LIN28B: variants seen among roughly 807,000 people sequenced by gnomAD.
LIN28B encodes lin-28 RNA binding posttranscriptional regulator B, also known as protein lin-28 homolog B.
LIN28B carries 5 observed loss-of-function variants against 21.9 expected under a neutral mutation model. The observed-to-expected ratio is 0.23, with a 90% CI of 0.12 to 0.48. LIN28B has a LOEUF of 0.48. Ranked by LOEUF, LIN28B falls within the 20% of genes least tolerant of loss-of-function variation. The pLI is 0.98. For synonymous variants in LIN28B, 109 were observed against 111.3 expected (o/e 0.98, Z 0.13); for missense variants, 245 against 310.5 (o/e 0.79, Z 1.58).
At chr6:104,993,163 T>C (rs1770529482) in intron 2 of LIN28B, among the ~76,000 whole-genome samples, 1 of 152,188 alleles carries the variant, frequency 6.6e-6, no homozygotes, top group African/African-American at 2.4e-5. Flanking sequence ...TTTATATTAA[T>C]ATTATTAAGA....
At chr6:104,964,078 G>T (rs996204876) in intron 2 of LIN28B, among the ~76,000 whole-genome samples, 1 of 152,140 alleles carries the variant, frequency 6.6e-6, no homozygotes, top group African/African-American at 2.4e-5. Flanking sequence ...TTTGGATTTG[G>T]TTTAATTCTT....
chr6:104,951,839 G>GATTGGTAAATAGGACCAGA (rs779183153), intron 3 of LIN28B, among the ~76,000 whole-genome samples: 2 of 152,214 alleles, frequency 1.3e-5, no homozygotes, highest in South Asian at 4.1e-4. Context: ...CAAGGCCACA[G>GATTGGTAAATAGGACCAGA]ATTGGTAAAT....
chr6:104,995,027 G>T (rs1296861580), intron 2 of LIN28B, among the ~76,000 whole-genome samples: 7 of 152,176 alleles, frequency 4.6e-5, no homozygotes, highest in Admixed American at 2.0e-4. Flanking sequence ...ACTCACTGGA[G>T]CATTTTGGAT....
At chr6:104,962,423 T>C (rs185903213) in intron 2 of LIN28B, among the ~76,000 whole-genome samples, 8 of 152,170 alleles carry the variant, frequency 5.3e-5, no homozygotes, top group African/African-American at 1.9e-4. Flanking sequence ...GATTTTGATC[T>C]TTATGGATAA....
At chr6:104,961,557 C>T (rs918304652) in intron 2 of LIN28B, among the ~76,000 whole-genome samples, 7 of 151,926 alleles carry the variant, frequency 4.6e-5, no homozygotes, top group South Asian at 2.1e-4. Flanking sequence ...CCCGCCACCA[C>T]GCCTAGCTAA....
chr6:104,941,601 C>T (rs1323960674), intron 2 of LIN28B, among the ~76,000 whole-genome samples: 5 of 151,694 alleles, frequency 3.3e-5, no homozygotes, highest in African/African-American at 9.7e-5. Flanking sequence ...GCGCACCTCC[C>T]TTTCGCGCTC....
intron 2 of LIN28B, among the ~76,000 whole-genome samples, chr6:105,016,304 TAAG>T (rs1212016287): frequency 6.6e-6 from 1 of 152,208 alleles, no homozygotes; most frequent in Non-Finnish European, 1.5e-5. Context: ...TTGTGTCAGC[TAAG>T]AAGTTTTATA....
chr6:105,081,027 C>CT lies in LIN28B; in HGVS notation c.*2245dup, dbSNP rs1772533381. 6.6e-6 allele frequency: 1 copy of CT among 152,574 alleles called. No homozygotes were observed. Among genetic ancestry groups the CT allele is most frequent in the Admixed American group, 6.5e-5 (1 of 15,270 alleles). The allele number at this position is 152,574 out of a possible 1,614,324, so 9.5% of individuals were successfully genotyped here. On this transcript the variant is annotated 3_prime_UTR_variant, in exon 4 of 4. Transcript: ENST00000345080. ...CTTTTCATCATCTTACCAGACTAAA[C>CT]TAAGAGCACATACCAAACCTATCTT...
At chr6:105,058,884 A>C (rs929702542) in intron 3 of LIN28B, among the ~76,000 whole-genome samples, 2 of 151,950 alleles carry the variant, frequency 1.3e-5, no homozygotes, top group Non-Finnish European at 2.9e-5. Flanking sequence ...GTTCACGTCC[A>C]TTGTCTGTTT....
chr6:104,969,414 C>G (rs1473409173), intron 2 of LIN28B, among the ~76,000 whole-genome samples: 1 of 152,038 alleles, frequency 6.6e-6, no homozygotes, highest in African/African-American at 2.4e-5. Context: ...ACTTGTAAAG[C>G]CTGCTTTCTG....
chr6:104,970,673 C>T (rs1349155448), intron 2 of LIN28B, among the ~76,000 whole-genome samples: 1 of 152,070 alleles, frequency 6.6e-6, no homozygotes, highest in Non-Finnish European at 1.5e-5. Flanking sequence ...TAAACTGTAA[C>T]TTGTTTCTCA....
chr6:105,003,939 T>C (rs1423625408), intron 2 of LIN28B, among the ~76,000 whole-genome samples: 1 of 152,172 alleles, frequency 6.6e-6, no homozygotes. Flanking sequence ...AATATATAGA[T>C]ATATAAAGGG....
At chr6:105,059,899 G>A (rs1273073876) in intron 3 of LIN28B, among the ~76,000 whole-genome samples, 1 of 148,268 alleles carries the variant, frequency 6.7e-6, no homozygotes, top group Non-Finnish European at 1.5e-5. Flanking sequence ...TTATTCTCAT[G>A]TTACTGTATT....
upstream of LIN28B, among the ~76,000 whole-genome samples, chr6:104,956,651 T>C (rs17054931): frequency 9.0e-4 from 137 of 152,322 alleles, no homozygotes; most frequent in East Asian, 8.5e-3. Flanking sequence ...GAATTAAATA[T>C]GAAATTAGCG....
At chr6:104,958,002 T>C (rs745961020) in intron 1 of LIN28B, 97 bp from the exon 2 acceptor site, 2 of 831,306 alleles carry the variant, frequency 2.4e-6, no homozygotes, top group South Asian at 7.9e-5. Flanking sequence ...CTGTTACCCT[T>C]CCCCCCCAAC....
chr6:104,958,015 CAGGCAGGCAATTTTTTTT>C, intron 1 of LIN28B, 66 bp from the exon 2 acceptor site: 1 of 1,047,026 alleles, frequency 9.6e-7, no homozygotes. Context: ...CCCCCAACCC[CAGGCAGGCAATTTTTTTT>C]TTTTAATCTT....
intron 2 of LIN28B, among the ~76,000 whole-genome samples, chr6:104,973,453 T>C (rs1478053670): frequency 6.6e-6 from 1 of 152,212 alleles, no homozygotes; most frequent in Admixed American, 6.5e-5. Context: ...CCTATCATTA[T>C]AATTTGATCT....
At chr6:105,001,279 AC>A (rs1770714507) in intron 2 of LIN28B, among the ~76,000 whole-genome samples, 1 of 152,240 alleles carries the variant, frequency 6.6e-6, no homozygotes, top group Non-Finnish European at 1.5e-5. Context: ...TGCCTGTGGA[AC>A]ACATATAAAT....
chr6:104,942,874 A>C (rs935739698), intron 2 of LIN28B, among the ~76,000 whole-genome samples: 2 of 150,568 alleles, frequency 1.3e-5, no homozygotes, highest in African/African-American at 4.9e-5. Flanking sequence ...GTTGTAATGC[A>C]TATTGGTTTT....
Sources: allele counts gnomAD v4.1 joint callset (sites outside exome capture counted in the v4.1 genomes callset), GRCh38; gene constraint gnomAD v4.1.1; transcripts MANE v1.5; gene names NCBI Gene and HGNC (gene_info 2026-07-23, HGNC 2026-07-21).